The following SPIRE2 variants were observed in gnomAD, a reference collection of about 807,000 sequenced individuals.
SPIRE2 encodes protein spire homolog 2.
A neutral mutation model predicts 80.7 loss-of-function variants in SPIRE2; 76 were observed. That is an observed-to-expected ratio of 0.94 (90% CI 0.78 to 1.14). The LOEUF (loss-of-function observed/expected upper bound fraction) is 1.14, where lower values mean the gene tolerates loss of function less well. SPIRE2 is among the 50% of genes most tolerant of loss of function. The pLI is 0.00. For missense variants in SPIRE2, 1,196 were observed against 1,015.3 expected (o/e 1.18, Z -2.42); for synonymous variants, 535 against 432.6 (o/e 1.24, Z -2.94).
intron 1 of SPIRE2, among the ~76,000 whole-genome samples, chr16:89,832,543 G>T (rs948730433): frequency 1.3e-5 from 2 of 152,038 alleles, no homozygotes; most frequent in Non-Finnish European, 2.9e-5. Flanking sequence ...CTTAAACCAG[G>T]TGGCTTCTGT....
chr16:89,841,632 A>T (rs1239665371), intron 1 of SPIRE2, among the ~76,000 whole-genome samples: 3 of 151,994 alleles, frequency 2.0e-5, no homozygotes, highest in Non-Finnish European at 4.4e-5. Context: ...CGATTTCCTC[A>T]TCTGTAACGA....
chr16:89,848,959 C>A lies in SPIRE2; in HGVS notation c.289-1345C>A, dbSNP rs540050078. On this transcript the variant is annotated intron_variant, in intron 2 of 14. Transcript: ENST00000378247. Reference sequence around the variant, plus strand: ...AGGACAGACGAGGCAGGTTCCAGGGCCTTCTGTGGTGTTTCTGCAGGACAG... The same window carrying A: ...AGGACAGACGAGGCAGGTTCCAGGGACTTCTGTGGTGTTTCTGCAGGACAG... Among the ~76,000 whole-genome samples the A allele has an allele frequency of 3.5e-5, 5 of 141,514 alleles. No homozygotes were observed. In the South Asian group the frequency reaches 1.1e-3, roughly 30 times the overall value. 92.8% of individuals were successfully genotyped at this position (141,514 alleles called of 152,430 possible). A position where few individuals can be genotyped will look rare whatever the true frequency, so the allele number is the denominator to read the frequency against.
chr16:89,858,270 AG>A, intron 7 of SPIRE2, 67 bp from the exon 8 acceptor site: 3 of 1,442,690 alleles, frequency 2.1e-6, no homozygotes, highest in Non-Finnish European at 2.8e-6. Context: ...GTGCACACAA[AG>A]CTGTCAGCTC....
In SPIRE2 at chr16:89,845,333, A is replaced by G. The variant is rs375326493; in HGVS notation, c.256A>G (p.Met86Val). Residue 86 changes from methionine to valine, a missense_variant, in exon 2 of 15, where the codon ATG becomes GTG. Coordinates refer to ENST00000378247, the MANE Select transcript of SPIRE2 (RefSeq NM_032451.2). ...CTCTTCTCTTACAGAACCTGCAACC[A>G]TGGTCGTGCCACTAGCCAGCTCGGA... Reference protein sequence around the residue: ...REPEAAEPATMVVPLASSEAQ... With the variant: ...REPEAAEPATVVVPLASSEAQ... 7.4e-5 allele frequency: 119 copies of G among 1,614,066 alleles called. No individual in the cohort carries two copies. The highest frequency in any genetic ancestry group is 3.3e-4 in the East Asian group (15 of 44,900).
intron 2 of SPIRE2, among the ~76,000 whole-genome samples, chr16:89,848,645 CCAGGG>C: frequency 6.7e-6 from 1 of 150,254 alleles, no homozygotes; most frequent in East Asian, 2.0e-4. Context: ...GAGGCAGGTT[CCAGGG>C]CCTTCTGCGG....
At chr16:89,855,531 G>A (rs902535585) in intron 5 of SPIRE2, 69 bp from the exon 6 acceptor site, 7 of 1,410,056 alleles carry the variant, frequency 5.0e-6, no homozygotes, top group Admixed American at 1.8e-5. Context: ...GGCTGAGCAG[G>A]CCTCTCCCAG....
chr16:89,854,970 G>A (rs1195296867), intron 5 of SPIRE2, among the ~76,000 whole-genome samples: 7 of 151,704 alleles, frequency 4.6e-5, no homozygotes, highest in African/African-American at 4.8e-5. Flanking sequence ...ACGGAGTCTC[G>A]CTCTGTCGCC....
intron 1 of SPIRE2, among the ~76,000 whole-genome samples, chr16:89,842,700 G>A (rs192663030): frequency 6.6e-6 from 1 of 152,324 alleles, no homozygotes; most frequent in Admixed American, 6.5e-5. Flanking sequence ...ACAGGGCCCT[G>A]GTCTGTTCCA....
chr16:89,867,266 C>A (rs1187492390), intron 12 of SPIRE2, among the ~76,000 whole-genome samples: 2 of 151,830 alleles, frequency 1.3e-5, no homozygotes, highest in Admixed American at 1.3e-4. Flanking sequence ...GCCTCAGCCT[C>A]CCGAGTAGCT....
chr16:89,870,305 C>G lies in SPIRE2; in HGVS notation c.*33C>G. 1 of 1,447,602 alleles carries G rather than the reference C, an allele frequency of 6.9e-7. No homozygotes were observed. The highest frequency in any genetic ancestry group is 2.4e-5 in the East Asian group (1 of 42,260). The allele number at this position is 1,447,602 out of a possible 1,614,324, so 89.7% of individuals were successfully genotyped here. On this transcript the variant is annotated 3_prime_UTR_variant, in exon 15 of 15. Transcript: ENST00000378247. Reference sequence around the variant, plus strand: ...AGGTGGCCAGGCCTCCAGGAGGCACCAGGCAGGCCCTGTATCAGGCTAGGA... The same window carrying G: ...AGGTGGCCAGGCCTCCAGGAGGCACGAGGCAGGCCCTGTATCAGGCTAGGA...
Position 89,869,072 on chromosome 16 carries a change from A to ATATATATATATATATATATATATG in SPIRE2, c.1807-492_1807-491insATATATATATATATATATATGTAT, listed in dbSNP as rs67559135. The stretch of plus-strand genomic sequence containing the variant: ...AAAAAAAATATATATATATATATAT[A>ATATATATATATATATATATATATG]TATGTTACCCCTCAGGCCTCAGTTC... On this transcript the variant is annotated intron_variant, in intron 13 of 14. Coordinates refer to ENST00000378247, the MANE Select transcript of SPIRE2 (RefSeq NM_032451.2). Among the ~76,000 whole-genome samples, 51 of 65,896 alleles carry ATATATATATATATATATATATATG rather than the reference A, an allele frequency of 7.7e-4. 2 individuals are homozygous for ATATATATATATATATATATATATG. Among genetic ancestry groups the ATATATATATATATATATATATATG allele is most frequent in the South Asian group, 1.9e-3 (3 of 1,570 alleles). 43.2% of individuals were successfully genotyped at this position (65,896 alleles called of 152,430 possible). A position where few individuals can be genotyped will look rare whatever the true frequency, so the allele number is the denominator to read the frequency against.
At chr16:89,833,326 T>C (rs533068248) in intron 1 of SPIRE2, among the ~76,000 whole-genome samples, 2 of 151,876 alleles carry the variant, frequency 1.3e-5, no homozygotes, top group South Asian at 4.2e-4. Flanking sequence ...GGTTTCACCA[T>C]GTTGGCCAGG....
chr16:89,868,131 C>G, intron 12 of SPIRE2, 58 bp from the exon 13 acceptor site: 1 of 1,605,858 alleles, frequency 6.2e-7, no homozygotes, highest in African/African-American at 1.3e-5. Flanking sequence ...GCGACTGTTT[C>G]TCAGCTGTTT....
intron 1 of SPIRE2, among the ~76,000 whole-genome samples, chr16:89,841,873 C>T (rs941694227): frequency 2.0e-5 from 3 of 151,828 alleles, no homozygotes; most frequent in African/African-American, 7.3e-5. Flanking sequence ...GGATTACAGG[C>T]ATGCGCCACC....
intron 1 of SPIRE2, among the ~76,000 whole-genome samples, chr16:89,833,237 C>T (rs1369296402): frequency 6.6e-6 from 1 of 152,116 alleles, no homozygotes; most frequent in Non-Finnish European, 1.5e-5. Context: ...GATCCGCCTG[C>T]CTTGGCCTCC....
chr16:89,843,151 A>C (rs1598221102), intron 1 of SPIRE2, among the ~76,000 whole-genome samples: 1 of 152,198 alleles, frequency 6.6e-6, no homozygotes, highest in African/African-American at 2.4e-5. Flanking sequence ...CACCCAGCGC[A>C]GCATCTTGGG....
intron 12 of SPIRE2, among the ~76,000 whole-genome samples, chr16:89,867,119 TTTTTG>T (rs1400070187): frequency 6.6e-6 from 1 of 151,790 alleles, no homozygotes. Flanking sequence ...GCAAGTTTTT[TTTTTG>T]TTTTTTGTTG....
intron 2 of SPIRE2, 72 bp downstream of exon 2, chr16:89,845,437 T>C: frequency 7.6e-7 from 1 of 1,323,824 alleles, no homozygotes; most frequent in East Asian, 2.3e-5. Flanking sequence ...ATGTAAATCA[T>C]AAAACATATA....
intron 3 of SPIRE2, among the ~76,000 whole-genome samples, chr16:89,853,730 G>A (rs2041659580): frequency 1.3e-5 from 2 of 152,018 alleles, no homozygotes; most frequent in Admixed American, 1.3e-4. Flanking sequence ...GGAGGCAGCA[G>A]GTGCCGCGCC....
Sources: gnomAD v4.1 joint callset for allele counts (sites outside exome capture counted in the v4.1 genomes callset) on GRCh38, gnomAD v4.1.1 for gene constraint, MANE v1.5 for transcripts, NCBI Gene and HGNC (gene_info 2026-07-23, HGNC 2026-07-21) for gene names.